The following CD160 variants were observed in gnomAD, a reference collection of about 807,000 sequenced individuals.
The protein encoded by CD160 is CD160 molecule, also known as CD160 antigen.
A neutral mutation model predicts 19.2 loss-of-function variants in CD160; 11 were observed. That is an observed-to-expected ratio of 0.57 (90% CI 0.36 to 0.95). The LOEUF (loss-of-function observed/expected upper bound fraction) is 0.95. Ranked by LOEUF, CD160 falls within the 40% of genes least tolerant of loss-of-function variation. The probability of loss-of-function intolerance (pLI) is 0.01; values close to 1 mark genes in which losing one functional copy is unlikely to be tolerated. For missense variants in CD160, 182 were observed against 213.2 expected (o/e 0.85, Z 0.91); for synonymous variants, 75 against 81.1 (o/e 0.93, Z 0.40).
chr1:145,727,992 A>T (rs1657118991), intron 2 of CD160, among the ~76,000 whole-genome samples: 1 of 152,206 alleles, frequency 6.6e-6, no homozygotes. Context: ...TTTAATCATC[A>T]TATTCTTTGA....
At chr1:145,731,578 G>A (rs1366161774) in intron 4 of CD160, among the ~76,000 whole-genome samples, 3 of 152,222 alleles carry the variant, frequency 2.0e-5, no homozygotes, top group Admixed American at 6.5e-5. Flanking sequence ...GCTAAGGCAA[G>A]AGAATCGCTT....
chr1:145,730,888 G>C lies in CD160; in HGVS notation c.218G>C (p.Ser73Thr). The C allele has an allele frequency of 6.2e-7, 1 of 1,614,076 alleles. No individual in the cohort carries two copies. The highest frequency in any genetic ancestry group is 8.5e-7 in the Non-Finnish European group (1 of 1,180,012). Residue 73 changes from serine (S) to threonine (T), a missense_variant, in exon 4 of 6, where the codon AGT becomes ACT. Transcript: ENST00000369288. ...DRSGDCSPET[S>T]LKQLRLKRDP... ...TCTGGAGACTGTTCTCCTGAGACCA[G>C]TTTAAAACAGCTGAGACTTAAAAGG...
At chr1:145,735,619 A>C (rs908664986) in intron 4 of CD160, among the ~76,000 whole-genome samples, 47 of 152,040 alleles carry the variant, frequency 3.1e-4, no homozygotes, top group African/African-American at 8.9e-4. Flanking sequence ...AACAAACAAA[A>C]AAAACCCAGA....
chr1:145,721,666 C>G (rs1464011678), intron 1 of CD160, among the ~76,000 whole-genome samples: 1 of 152,116 alleles, frequency 6.6e-6, no homozygotes, highest in Non-Finnish European at 1.5e-5. Context: ...AGAAGGGACA[C>G]GACCTTGTCA....
chr1:145,728,483 G>T, intron 3 of CD160, 83 bp downstream of exon 3: 3 of 754,092 alleles, frequency 4.0e-6, no homozygotes, highest in South Asian at 1.5e-5. Context: ...ATTTTCTCTA[G>T]TGGGGAAACA....
chr1:145,721,752 C>G (rs1247048973), intron 1 of CD160, among the ~76,000 whole-genome samples: 1 of 152,140 alleles, frequency 6.6e-6, no homozygotes, highest in Admixed American at 6.5e-5. Flanking sequence ...CTTAATTCAC[C>G]CACCGTATTC....
chr1:145,719,607 G>C (rs1656747552), intron 1 of CD160, 48 bp downstream of exon 1: 1 of 152,342 alleles, frequency 6.6e-6, no homozygotes, highest in Non-Finnish European at 1.5e-5. Flanking sequence ...GGGATGGGAT[G>C]GTTGACAGAA....
intron 2 of CD160, among the ~76,000 whole-genome samples, chr1:145,725,973 C>G (rs1372178221): frequency 6.6e-6 from 1 of 151,324 alleles, no homozygotes; most frequent in Non-Finnish European, 1.5e-5. Flanking sequence ...AAATTAATAT[C>G]TAGTAAAACA....
intron 1 of CD160, among the ~76,000 whole-genome samples, chr1:145,719,943 TG>T (rs1485332264): frequency 3.3e-5 from 5 of 152,288 alleles, no homozygotes; most frequent in Admixed American, 6.5e-5. Context: ...ATGTCCTAGG[TG>T]GTTCACGTCA....
At chr1:145,725,929 A>T in intron 2 of CD160, among the ~76,000 whole-genome samples, 1 of 152,218 alleles carries the variant, frequency 6.6e-6, no homozygotes, top group Non-Finnish European at 1.5e-5. Flanking sequence ...ATCAACTGAA[A>T]AATGATAGAA....
chr1:145,736,966 C>T (rs1657519926), intron 5 of CD160: 1 of 152,218 alleles, frequency 6.6e-6, no homozygotes, highest in South Asian at 2.1e-4. Context: ...GAAACAGACA[C>T]AAGGAAGTTA....
Position 145,738,504 on chromosome 1 carries a change from A to G in CD160, c.*11A>G, listed in dbSNP as rs1657587379. The G allele has an allele frequency of 7.6e-7, 1 of 1,322,926 alleles. No individual in the cohort carries two copies. The highest frequency in any genetic ancestry group is 9.8e-7 in the Non-Finnish European group (1 of 1,025,152). The allele number at this position is 1,322,926 out of a possible 1,614,324, so 81.9% of individuals were successfully genotyped here. A position where few individuals can be genotyped will look rare whatever the true frequency, so the allele number is the denominator to read the frequency against. On this transcript the variant is annotated 3_prime_UTR_variant, in exon 6 of 6. Transcript: ENST00000369288. ...TCCACAGCTTTGTAAGCCTTGTGCC[A>G]AAAGAAACTTTTAAAACAGCTACAG...
chr1:145,728,815 CT>C (rs1241975560), intron 3 of CD160, among the ~76,000 whole-genome samples: 1 of 152,078 alleles, frequency 6.6e-6, no homozygotes, highest in East Asian at 1.9e-4. Flanking sequence ...TTGTCTTTTT[CT>C]TTTTCATTAG....
At chr1:145,720,275 T>A (rs1656777617) in intron 1 of CD160, among the ~76,000 whole-genome samples, 1 of 152,254 alleles carries the variant, frequency 6.6e-6, no homozygotes. Context: ...TTGACAACTG[T>A]CTTGTCATAA....
chr1:145,726,918 A>T (rs1657072858), intron 2 of CD160, among the ~76,000 whole-genome samples: 1 of 152,206 alleles, frequency 6.6e-6, no homozygotes, highest in South Asian at 2.1e-4. Flanking sequence ...GTCACAACAA[A>T]TTCAGTTCTC....
chr1:145,729,376 G>C (rs782101416), intron 3 of CD160, among the ~76,000 whole-genome samples: 2 of 152,178 alleles, frequency 1.3e-5, no homozygotes, highest in Non-Finnish European at 2.9e-5. Context: ...CAAGGGAGTG[G>C]GGGAGGGGGC....
chr1:145,728,718 G>A (rs1372307854), intron 3 of CD160, among the ~76,000 whole-genome samples: 1 of 152,000 alleles, frequency 6.6e-6, no homozygotes, highest in East Asian at 1.9e-4. Flanking sequence ...TGGTCAGGCT[G>A]GCCTCGAACT....
At position 145,736,046 on chromosome 1, in the gene CD160, G is replaced by A; in HGVS notation, c.450G>A (p.Glu150=). Residue 150 remains glutamate (E), a synonymous_variant, in exon 5 of 6, where the codon GAG becomes GAA. Coordinates refer to ENST00000369288, the MANE Select transcript of CD160 (RefSeq NM_007053.4). ...VTGLKQRQHL[E]FSHNEGTLSS... ...GATTGAAACAAAGACAACACCTTGA[G>A]TTCAGCCATAATGAAGGCACTCTCA... The A allele has an allele frequency of 6.2e-7, 1 of 1,614,028 alleles. No individual in the cohort carries two copies. Among genetic ancestry groups the A allele is most frequent in the African/African-American group, 1.3e-5 (1 of 75,030 alleles).
At chr1:145,737,231 A>G (rs1198897063) in intron 5 of CD160, 6 of 151,534 alleles carry the variant, frequency 4.0e-5, no homozygotes, top group Non-Finnish European at 7.4e-5. Flanking sequence ...AGCCTGGGTG[A>G]CAGGGTGAGA....
Sources: gnomAD v4.1 joint callset for allele counts (sites outside exome capture counted in the v4.1 genomes callset) on GRCh38, gnomAD v4.1.1 for gene constraint, MANE v1.5 for transcripts, NCBI Gene and HGNC (gene_info 2026-07-23, HGNC 2026-07-21) for gene names.